KCNAB1: variants seen among roughly 807,000 people sequenced by gnomAD.
KCNAB1 encodes the protein voltage-gated potassium channel subunit beta-1.
KCNAB1 carries 35 observed loss-of-function variants against 64.6 expected under a neutral mutation model. The ratio of observed to expected loss-of-function variants is 0.54; its 90% CI spans 0.41 to 0.72. KCNAB1 has a LOEUF of 0.72. Among genes scored for constraint, KCNAB1 ranks in the 30% least tolerant of loss-of-function variants. The pLI, the probability that KCNAB1 is intolerant of heterozygous loss-of-function variation, is 0.00. For synonymous variants in KCNAB1, 177 were observed against 183.8 expected, an observed-to-expected ratio of 0.96 and a Z score of 0.30; for missense variants, 401 against 512.9, an observed-to-expected ratio of 0.78 and a Z score of 2.11.
Position 156,325,693 on chromosome 3 carries a change from C to T in KCNAB1, c.276-95923C>T, listed in dbSNP as rs967118363. Among the ~76,000 whole-genome samples the T allele has an allele frequency of 9.2e-5, 14 of 151,996 alleles. No individual in the cohort carries two copies. In the South Asian group the frequency reaches 2.9e-3, roughly 32 times the overall value. ...ACTGGCCAGGTGTGGTGGCTCACAC[C>T]TGTAATCCCATCTCTTAGGGAGGCA... On this transcript the variant is annotated intron_variant, in intron 1 of 13. Coordinates refer to ENST00000490337, the MANE Select transcript of KCNAB1 (RefSeq NM_172160.3).
intron 1 of KCNAB1, among the ~76,000 whole-genome samples, chr3:156,153,108 T>TAAATAA (rs1314671687): frequency 6.6e-6 from 1 of 152,056 alleles, no homozygotes; most frequent in African/African-American, 2.4e-5. Context: ...ATAAATAAAT[T>TAAATAA]ATTAAGCAGG....
chr3:156,365,190 A>G (rs909699284), intron 1 of KCNAB1, among the ~76,000 whole-genome samples: 2 of 152,170 alleles, frequency 1.3e-5, no homozygotes, highest in African/African-American at 4.8e-5. Flanking sequence ...ACTCTTACTC[A>G]CTGTGTAACC....
intron 1 of KCNAB1, among the ~76,000 whole-genome samples, chr3:156,221,561 T>C (rs1050308049): frequency 2.6e-5 from 4 of 152,110 alleles, no homozygotes; most frequent in Non-Finnish European, 5.9e-5. Flanking sequence ...GTGGATCACC[T>C]GAGGTCAGGA....
intron 2 of KCNAB1, among the ~76,000 whole-genome samples, chr3:156,426,831 C>T (rs1452117624): frequency 6.6e-6 from 1 of 152,094 alleles, no homozygotes; most frequent in Non-Finnish European, 1.5e-5. Flanking sequence ...GTGCTTCATA[C>T]TACATTTTGG....
chr3:156,238,706 C>G (rs1400365766), intron 1 of KCNAB1, among the ~76,000 whole-genome samples: 2 of 152,170 alleles, frequency 1.3e-5, no homozygotes, highest in African/African-American at 4.8e-5. Flanking sequence ...TCTAGAATAA[C>G]ATGAGTAATT....
chr3:156,421,681 T>C (rs1715472649), intron 2 of KCNAB1, 22 bp downstream of exon 2: 2 of 1,610,822 alleles, frequency 1.2e-6, no homozygotes, highest in African/African-American at 2.7e-5. Context: ...GGGTGTGACC[T>C]GGGGGTGGGC....
chr3:156,385,926 A>T (rs1712551640), intron 1 of KCNAB1, among the ~76,000 whole-genome samples: 1 of 152,216 alleles, frequency 6.6e-6, no homozygotes, highest in South Asian at 2.1e-4. Flanking sequence ...TTTAGGTCAA[A>T]GAAATTGTAT....
chr3:156,337,203 GT>G (rs1576742911), intron 1 of KCNAB1, among the ~76,000 whole-genome samples: 1 of 152,206 alleles, frequency 6.6e-6, no homozygotes, highest in African/African-American at 2.4e-5. Flanking sequence ...AGTGAGATAA[GT>G]TGGAAATAAA....
At chr3:156,259,086 C>T (rs1718276747) in intron 1 of KCNAB1, among the ~76,000 whole-genome samples, 1 of 152,184 alleles carries the variant, frequency 6.6e-6, no homozygotes. Context: ...AGAGTTTAAA[C>T]CTTTGAACAC....
rs188905876 is a variant in KCNAB1 at position 156,275,426 on chromosome 3, G to A, written c.276-146190G>A. Among the ~76,000 whole-genome samples, 220 of 152,310 alleles carry A rather than the reference G, an allele frequency of 1.4e-3. 2 individuals carry two copies. Among genetic ancestry groups the A allele is most frequent in the Admixed American group, 0.012 (182 of 15,302 alleles). On this transcript the variant is annotated intron_variant, in intron 1 of 13. Transcript: ENST00000490337. ...GTGGTTGCTGAAGGATGGGGTGGCT[G>A]TGGCAATTTCTTAAAATAAGATGAC... is the stretch of plus-strand genomic sequence containing the variant.
intron 8 of KCNAB1, among the ~76,000 whole-genome samples, chr3:156,486,040 A>ATGTC (rs985454758): frequency 6.6e-6 from 1 of 152,046 alleles, no homozygotes; most frequent in African/African-American, 2.4e-5. Flanking sequence ...GATTCAAGTG[A>ATGTC]TGTCTGCCAG....
chr3:156,317,945 G>A (rs374685077), intron 1 of KCNAB1, among the ~76,000 whole-genome samples: 1 of 152,060 alleles, frequency 6.6e-6, no homozygotes, highest in East Asian at 1.9e-4. Flanking sequence ...CCATTCAACT[G>A]CTCAACTGAA....
At chr3:156,234,580 G>T (rs573570304) in intron 1 of KCNAB1, among the ~76,000 whole-genome samples, 1 of 152,106 alleles carries the variant, frequency 6.6e-6, no homozygotes, top group Non-Finnish European at 1.5e-5. Context: ...GGATGGGTTG[G>T]GGGGGTGTCC....
intron 1 of KCNAB1, among the ~76,000 whole-genome samples, chr3:156,330,717 C>A (rs1723278647): frequency 6.6e-6 from 1 of 152,124 alleles, no homozygotes; most frequent in Admixed American, 6.6e-5. Context: ...CAAAGAAAAT[C>A]TCTGTTGAGT....
intron 1 of KCNAB1, among the ~76,000 whole-genome samples, chr3:156,332,367 C>A (rs749013147): frequency 6.6e-6 from 1 of 152,180 alleles, no homozygotes; most frequent in Non-Finnish European, 1.5e-5. Context: ...CATCCAATTT[C>A]TTTTCATGAA....
chr3:156,312,650 T>A (rs867234871), intron 1 of KCNAB1, among the ~76,000 whole-genome samples: 67 of 130,812 alleles, frequency 5.1e-4, no homozygotes, highest in African/African-American at 1.7e-3. Context: ...AGGTGGAGGT[T>A]GCCAAGATAG....
At chr3:156,176,132 C>T (rs1431958551) in intron 1 of KCNAB1, 7 of 768,978 alleles carry the variant, frequency 9.1e-6, no homozygotes, top group Non-Finnish European at 1.7e-5. Flanking sequence ...AATGGCCAGA[C>T]ATCCCAGACA....
At chr3:156,273,954 C>CT (rs1370408291) in intron 1 of KCNAB1, among the ~76,000 whole-genome samples, 23 of 152,184 alleles carry the variant, frequency 1.5e-4, no homozygotes, top group African/African-American at 5.3e-4. Flanking sequence ...TATCTGTGTA[C>CT]TCCCCAGGTA....
chr3:156,490,227 G>C (rs1715532420), intron 8 of KCNAB1, among the ~76,000 whole-genome samples: 1 of 152,050 alleles, frequency 6.6e-6, no homozygotes, highest in Non-Finnish European at 1.5e-5. Flanking sequence ...ACAATTAACT[G>C]TCCCAGGAAA....
Sources: allele counts gnomAD v4.1 joint callset (sites outside exome capture counted in the v4.1 genomes callset), GRCh38; gene constraint gnomAD v4.1.1; transcripts MANE v1.5; gene names NCBI Gene and HGNC (gene_info 2026-07-23, HGNC 2026-07-21).